Variants in EPHA6 observed in about 807,000 individuals in gnomAD.
EPHA6 encodes EPH receptor A6.
Under a neutral mutation model 112.0 loss-of-function variants are expected in EPHA6, and 50 were observed. That is an observed-to-expected ratio of 0.45 (90% CI 0.36 to 0.56). The LOEUF is 0.56. Among genes scored for constraint, EPHA6 ranks in the 20% least tolerant of loss-of-function variants. EPHA6 has a pLI of 0.00. For missense variants in EPHA6, 1,280 were observed against 1,417.4 expected, an observed-to-expected ratio of 0.90 and a Z score of 1.56; for synonymous variants, 529 against 490.7, an observed-to-expected ratio of 1.08 and a Z score of -1.03.
intron 5 of EPHA6, among the ~76,000 whole-genome samples, chr3:97,349,501 A>G (rs972177862): frequency 7.9e-5 from 12 of 152,136 alleles, no homozygotes; most frequent in Admixed American, 7.9e-4. Context: ...GCAACTCAAA[A>G]TGATATATAA....
Position 96,942,153 on chromosome 3 carries a change from G to A in EPHA6, c.451-45177G>A, listed in dbSNP as rs576231632. 3.3e-5 allele frequency among the ~76,000 whole-genome samples: 5 copies of A among 152,324 alleles called. No homozygotes were observed. The East Asian group carries it at 9.7e-4, about 29-fold the overall frequency. ...CTCTCCTCAAAGCTGTCAGACAGGGGCATTCAAGTCTGCAGAGGTTACTGC... is the reference window on the plus strand; with the variant it reads ...CTCTCCTCAAAGCTGTCAGACAGGGACATTCAAGTCTGCAGAGGTTACTGC... On this transcript the variant is annotated intron_variant, in intron 2 of 17. Coordinates refer to ENST00000389672, the MANE Select transcript of EPHA6 (RefSeq NM_001080448.3).
chr3:97,063,432 C>A (rs2046085262), intron 3 of EPHA6, among the ~76,000 whole-genome samples: 1 of 152,072 alleles, frequency 6.6e-6, no homozygotes, highest in African/African-American at 2.4e-5. Flanking sequence ...TCCATTATCC[C>A]CAGCAAACAA....
intron 3 of EPHA6, among the ~76,000 whole-genome samples, chr3:97,009,679 G>C (rs559942155): frequency 6.6e-6 from 1 of 152,248 alleles, no homozygotes; most frequent in African/African-American, 2.4e-5. Context: ...CTGAGAGGCT[G>C]TAAGAATCTG....
At chr3:97,512,616 A>C (rs1485937049) in intron 10 of EPHA6, among the ~76,000 whole-genome samples, 1 of 152,112 alleles carries the variant, frequency 6.6e-6, no homozygotes, top group African/African-American at 2.4e-5. Context: ...CCAGGCTAGA[A>C]TGCAGTGGCA....
intron 14 of EPHA6, among the ~76,000 whole-genome samples, chr3:97,644,339 A>C (rs2094037804): frequency 6.8e-6 from 1 of 147,608 alleles, no homozygotes; most frequent in Non-Finnish European, 1.5e-5. Flanking sequence ...GAAAGCAGGA[A>C]AGATCCAAAA....
rs186234985 is a variant in EPHA6 at position 97,428,088 on chromosome 3, A to G, written c.1732-20480A>G. Among the ~76,000 whole-genome samples the G allele has an allele frequency of 2.6e-3, 392 of 152,326 alleles. 1 individual carries two copies. Among genetic ancestry groups the G allele is most frequent in the Non-Finnish European group, 3.8e-3 (258 of 68,036 alleles). On this transcript the variant is annotated intron_variant, in intron 6 of 17. Transcript: ENST00000389672. ...ACAGAAAAAAATATATGAATAGTGTATATTAGTGAAATGAATGAACAGTTG... is the reference window on the plus strand; with the variant it reads ...ACAGAAAAAAATATATGAATAGTGTGTATTAGTGAAATGAATGAACAGTTG...
chr3:97,236,316 G>A (rs2078678068), intron 4 of EPHA6, among the ~76,000 whole-genome samples: 1 of 151,860 alleles, frequency 6.6e-6, no homozygotes, highest in Non-Finnish European at 1.5e-5. Context: ...CAAAGTAGGA[G>A]AAGATGGAGA....
chr3:97,697,311 A>G (rs2033103493), intron 14 of EPHA6, among the ~76,000 whole-genome samples: 1 of 152,214 alleles, frequency 6.6e-6, no homozygotes, highest in Non-Finnish European at 1.5e-5. Flanking sequence ...TAGGTTTATA[A>G]TTTAGAATAC....
In EPHA6 at chr3:97,591,153, AT is replaced by A. The variant is rs200016240; in HGVS notation, c.2387-1451del. Reference sequence around the variant, plus strand: ...AAAACTAGTTTATTCACTGTATTTAATTTTTTTTCTAAGCTTTCTTTAATCC... The same window carrying A: ...AAAACTAGTTTATTCACTGTATTTAATTTTTTTCTAAGCTTTCTTTAATCC... On this transcript the variant is annotated intron_variant, in intron 11 of 17. Coordinates refer to ENST00000389672, the MANE Select transcript of EPHA6 (RefSeq NM_001080448.3). Among the ~76,000 whole-genome samples, 130 of 152,150 alleles carry A rather than the reference AT, an allele frequency of 8.5e-4. 1 individual carries two copies. The highest frequency in any genetic ancestry group is 2.5e-3 in the African/African-American group (105 of 41,504).
At position 97,508,519 on chromosome 3, in the gene EPHA6, C is replaced by G. The variant is rs59944851; in HGVS notation, c.2201-23839C>G. The stretch of plus-strand genomic sequence containing the variant: ...AGTTCTAATTTGATTGCACTGTGGT[C>G]TGAGAGACTGTTATAATTTCCATTT... On this transcript the variant is annotated intron_variant, in intron 10 of 17. Coordinates refer to ENST00000389672, the MANE Select transcript of EPHA6 (RefSeq NM_001080448.3). Among the ~76,000 whole-genome samples the G allele has an allele frequency of 4.7e-3, 721 of 152,218 alleles. 6 individuals carry two copies. The highest frequency in any genetic ancestry group is 0.016 in the African/African-American group (671 of 41,526).
intron 3 of EPHA6, among the ~76,000 whole-genome samples, chr3:97,199,416 C>A (rs564025862): frequency 6.6e-6 from 1 of 151,984 alleles, no homozygotes; most frequent in Non-Finnish European, 1.5e-5. Context: ...TGGAGAACTA[C>A]CCCCTACCCG....
At chr3:97,365,953 C>A (rs2108957978) in intron 5 of EPHA6, among the ~76,000 whole-genome samples, 1 of 152,312 alleles carries the variant, frequency 6.6e-6, no homozygotes, top group African/African-American at 2.4e-5. Flanking sequence ...GATTCAGCCA[C>A]TCAGTGGAGT....
chr3:97,060,961 A>C lies in EPHA6; in HGVS notation c.1114+72968A>C, dbSNP rs367744806. On this transcript the variant is annotated intron_variant, in intron 3 of 17. Coordinates refer to ENST00000389672, the MANE Select transcript of EPHA6 (RefSeq NM_001080448.3). ...AAAAAAAAAAAAAAAGTCAGCTAACACTCAGCCCAAGAACCTAGTTAATAA... is the reference window on the plus strand; with the variant it reads ...AAAAAAAAAAAAAAAGTCAGCTAACCCTCAGCCCAAGAACCTAGTTAATAA... Among the ~76,000 whole-genome samples, 28 of 149,288 alleles carry C rather than the reference A, an allele frequency of 1.9e-4. 1 individual carries two copies. In the South Asian group the frequency reaches 5.7e-3, roughly 30 times the overall value.
At chr3:97,252,303 C>CA (rs1365771868) in intron 5 of EPHA6, among the ~76,000 whole-genome samples, 1 of 152,142 alleles carries the variant, frequency 6.6e-6, no homozygotes, top group African/African-American at 2.4e-5. Context: ...TTGTAACCCA[C>CA]AATGGGAGAC....
chr3:97,627,254 A>C (rs1056392210), intron 13 of EPHA6, among the ~76,000 whole-genome samples: 5 of 151,858 alleles, frequency 3.3e-5, no homozygotes, highest in Admixed American at 6.6e-5. Flanking sequence ...AGCAAAAGAG[A>C]ATTAAAAAAT....
chr3:97,710,676 T>C (rs1256281907), intron 14 of EPHA6, among the ~76,000 whole-genome samples: 7 of 152,206 alleles, frequency 4.6e-5, no homozygotes, highest in Admixed American at 2.0e-4. Context: ...GAAAAATCTG[T>C]AACTTGCCTA....
intron 5 of EPHA6, among the ~76,000 whole-genome samples, chr3:97,358,039 GA>G (rs1217028040): frequency 6.6e-6 from 1 of 152,048 alleles, no homozygotes; most frequent in Non-Finnish European, 1.5e-5. Context: ...GTGTAACTTT[GA>G]AAAACAATCT....
At chr3:96,926,899 A>G (rs1351150643) in intron 2 of EPHA6, among the ~76,000 whole-genome samples, 2 of 152,148 alleles carry the variant, frequency 1.3e-5, no homozygotes, top group Non-Finnish European at 2.9e-5. Flanking sequence ...CAGTGGCCCT[A>G]TTGTCACAGC....
At chr3:97,137,389 A>G (rs1278396543) in intron 3 of EPHA6, among the ~76,000 whole-genome samples, 2 of 152,102 alleles carry the variant, frequency 1.3e-5, no homozygotes, top group Non-Finnish European at 2.9e-5. Flanking sequence ...AACTGCTTGG[A>G]TTCAAGTCTA....
Sources: allele counts gnomAD v4.1 joint callset (sites outside exome capture counted in the v4.1 genomes callset), GRCh38; gene constraint gnomAD v4.1.1; transcripts MANE v1.5; gene names NCBI Gene and HGNC (gene_info 2026-07-23, HGNC 2026-07-21).